SLC4A4: variants seen among roughly 807,000 people sequenced by gnomAD.
SLC4A4 encodes electrogenic sodium bicarbonate cotransporter 1.
Under a neutral mutation model 111.5 loss-of-function variants are expected in SLC4A4, and 27 were observed. The observed-to-expected ratio is 0.24, with a 90% CI of 0.18 to 0.33. The LOEUF is 0.33. Among genes scored for constraint, SLC4A4 ranks in the 10% least tolerant of loss-of-function variants. SLC4A4 has a pLI of 1.00. For missense variants in SLC4A4, 909 were observed against 1,315.5 expected, an observed-to-expected ratio of 0.69 and a Z score of 4.78; for synonymous variants, 443 against 463.4, an observed-to-expected ratio of 0.96 and a Z score of 0.57.
At chr4:71,282,146 T>C (rs959435467) in intron 3 of SLC4A4, among the ~76,000 whole-genome samples, 4 of 152,160 alleles carry the variant, frequency 2.6e-5, no homozygotes, top group Non-Finnish European at 5.9e-5. Context: ...ATCTGAGTTC[T>C]TAGGAAAGAA....
rs1024389357 is a variant in SLC4A4, at chr4:71,423,279, A to G, written c.808-17337A>G. Among the ~76,000 whole-genome samples the G allele has an allele frequency of 7.9e-5, 12 of 152,304 alleles. No individual in the cohort carries two copies. The South Asian group carries it at 1.4e-3, about 18-fold the overall frequency. ...TAAAATACCTAGGAATCCACCTTAC[A>G]AGGGATGTGAAGGACCTCTTCAAGG... On this transcript the variant is annotated intron_variant, in intron 7 of 25. Transcript: ENST00000264485.
At chr4:71,455,815 T>C (rs987166379) in intron 12 of SLC4A4, among the ~76,000 whole-genome samples, 3 of 152,184 alleles carry the variant, frequency 2.0e-5, no homozygotes, top group African/African-American at 7.2e-5. Flanking sequence ...TGCATCTGAC[T>C]GTAGAGAAGA....
At chr4:71,153,054 A>ATATATATATATATATATATATATAT (rs528058780) in intron 2 of SLC4A4, among the ~76,000 whole-genome samples, 2 of 140,924 alleles carry the variant, frequency 1.4e-5, no homozygotes, top group Non-Finnish European at 3.0e-5. Context: ...TATATATATA[A>ATATATATATATATATATATATATAT]AAATAAAAGG....
At chr4:71,347,137 T>C (rs1218694467) in intron 4 of SLC4A4, among the ~76,000 whole-genome samples, 1 of 152,146 alleles carries the variant, frequency 6.6e-6, no homozygotes, top group African/African-American at 2.4e-5. Context: ...GATTTATGTT[T>C]TGCAAATGCA....
chr4:71,118,711 T>TTA (rs1743338561), intron 2 of SLC4A4, among the ~76,000 whole-genome samples: 4 of 152,222 alleles, frequency 2.6e-5, no homozygotes, highest in Non-Finnish European at 2.9e-5. Context: ...ATTAAGGATA[T>TTA]TATTTAATAA....
intron 2 of SLC4A4, among the ~76,000 whole-genome samples, chr4:71,176,695 A>G (rs980770702): frequency 1.4e-4 from 21 of 152,368 alleles, no homozygotes; most frequent in South Asian, 4.1e-4. Context: ...GACCAAATCT[A>G]CGTCTGATTG....
intron 2 of SLC4A4, among the ~76,000 whole-genome samples, chr4:71,141,586 G>A (rs929832094): frequency 2.6e-5 from 4 of 152,112 alleles, no homozygotes; most frequent in African/African-American, 9.7e-5. Context: ...CAGCTCAAAT[G>A]TCTTCACTCT....
intron 3 of SLC4A4, among the ~76,000 whole-genome samples, chr4:71,263,276 C>T (rs866982228): frequency 6.6e-6 from 1 of 152,130 alleles, no homozygotes; most frequent in Non-Finnish European, 1.5e-5. Flanking sequence ...TTTATGAACT[C>T]ATAATAACTT....
chr4:71,423,141 C>G (rs1722727470), intron 7 of SLC4A4, among the ~76,000 whole-genome samples: 1 of 152,170 alleles, frequency 6.6e-6, no homozygotes, highest in Non-Finnish European at 1.5e-5. Context: ...TCAGCAAAGT[C>G]TCAGGATACA....
intron 7 of SLC4A4, among the ~76,000 whole-genome samples, chr4:71,422,574 T>C (rs939981367): frequency 3.5e-4 from 53 of 152,280 alleles, no homozygotes; most frequent in African/African-American, 1.2e-3. Context: ...TGAACATTGA[T>C]GCAAAAATCC....
chr4:71,320,022 G>A (rs1021816635), intron 3 of SLC4A4, among the ~76,000 whole-genome samples: 2 of 151,868 alleles, frequency 1.3e-5, no homozygotes, highest in East Asian at 1.9e-4. Context: ...TTTTCTCTGA[G>A]GATATAGGAA....
chr4:71,262,216 A>G (rs919957094), intron 3 of SLC4A4, among the ~76,000 whole-genome samples: 1 of 152,202 alleles, frequency 6.6e-6, no homozygotes, highest in African/African-American at 2.4e-5. Flanking sequence ...ATTTTTTCAT[A>G]TAGAAGGAAA....
chr4:71,301,544 G>A (rs1430621869), intron 3 of SLC4A4, among the ~76,000 whole-genome samples: 1 of 152,240 alleles, frequency 6.6e-6, no homozygotes, highest in African/African-American at 2.4e-5. Context: ...AGGGAATCCA[G>A]ATAGTAGTGT....
At chr4:71,558,078 C>A (rs764146682) in intron 22 of SLC4A4, among the ~76,000 whole-genome samples, 193 bp downstream of exon 22, 2 of 151,904 alleles carry the variant, frequency 1.3e-5, no homozygotes, top group African/African-American at 2.4e-5. Flanking sequence ...ATCAGGCTCA[C>A]CTAAGTTCAG....
At chr4:71,097,387 G>T (rs969195775) in intron 2 of SLC4A4, among the ~76,000 whole-genome samples, 1 of 152,132 alleles carries the variant, frequency 6.6e-6, no homozygotes, top group East Asian at 1.9e-4. Context: ...AGTATTCCAT[G>T]GTGTATATAT....
chr4:71,257,342 AC>A (rs1360889139), intron 3 of SLC4A4, among the ~76,000 whole-genome samples: 1 of 152,262 alleles, frequency 6.6e-6, no homozygotes, highest in African/African-American at 2.4e-5. Flanking sequence ...TATGCATTTT[AC>A]CGTTTTGTTC....
intron 6 of SLC4A4, among the ~76,000 whole-genome samples, chr4:71,387,270 C>A (rs1003229260): frequency 2.0e-5 from 3 of 152,106 alleles, no homozygotes; most frequent in African/African-American, 7.2e-5. Flanking sequence ...GTGTCATGTT[C>A]TACTATTCTA....
At chr4:71,354,932 G>T (rs1034184972) in intron 5 of SLC4A4, among the ~76,000 whole-genome samples, 2 of 152,138 alleles carry the variant, frequency 1.3e-5, no homozygotes, top group Non-Finnish European at 2.9e-5. Flanking sequence ...CCAATTGGTA[G>T]TGTCTGTGGG....
At chr4:71,140,440 A>G (rs1743964139) in intron 2 of SLC4A4, among the ~76,000 whole-genome samples, 1 of 152,150 alleles carries the variant, frequency 6.6e-6, no homozygotes, top group Non-Finnish European at 1.5e-5. Context: ...ACAAACAAAC[A>G]AAACCTCTGC....
Sources: allele counts gnomAD v4.1 joint callset (sites outside exome capture counted in the v4.1 genomes callset), GRCh38; gene constraint gnomAD v4.1.1; transcripts MANE v1.5; gene names NCBI Gene and HGNC (gene_info 2026-07-23, HGNC 2026-07-21).